ESRRB: variants seen among roughly 807,000 people sequenced by gnomAD.
The protein encoded by ESRRB is estrogen related receptor beta.
ESRRB carries 16 observed loss-of-function variants against 46.0 expected under a neutral mutation model. That is an observed-to-expected ratio of 0.35 (90% CI 0.24 to 0.53). The LOEUF is 0.53. ESRRB is among the 20% of genes least tolerant of loss of function. The pLI is 0.93. For missense variants in ESRRB, 488 were observed against 607.4 expected (o/e 0.80, Z 2.07); for synonymous variants, 246 against 259.6 (o/e 0.95, Z 0.50).
At chr14:76,319,613 C>T (rs1363998832) in intron 1 of ESRRB, among the ~76,000 whole-genome samples, 5 of 152,186 alleles carry the variant, frequency 3.3e-5, no homozygotes, top group African/African-American at 9.7e-5. Context: ...TTTAGAATCC[C>T]ATATGCTGTT....
chr14:76,406,954 C>T (rs1255390544), intron 1 of ESRRB, among the ~76,000 whole-genome samples: 1 of 152,228 alleles, frequency 6.6e-6, no homozygotes, highest in East Asian at 1.9e-4. Context: ...GTGTTGTATT[C>T]ACCAGTGTCT....
chr14:76,399,207 C>T (rs1016418835), intron 1 of ESRRB, among the ~76,000 whole-genome samples: 5 of 152,014 alleles, frequency 3.3e-5, no homozygotes, highest in African/African-American at 4.8e-5. Context: ...TTAACCAGCG[C>T]GTATATATCT....
At chr14:76,381,327 C>T (rs866204294) in intron 1 of ESRRB, among the ~76,000 whole-genome samples, 74 of 152,246 alleles carry the variant, frequency 4.9e-4, no homozygotes, top group African/African-American at 1.7e-3. Flanking sequence ...GATTAACCCT[C>T]ACCGGGCCAG....
At chr14:76,314,129 A>G (rs542062227) in intron 1 of ESRRB, among the ~76,000 whole-genome samples, 5 of 142,884 alleles carry the variant, frequency 3.5e-5, no homozygotes, top group African/African-American at 1.2e-4. Flanking sequence ...GGCTGTTGGG[A>G]AAAAAAAAAT....
intron 3 of ESRRB, among the ~76,000 whole-genome samples, chr14:76,466,219 G>A (rs1889104821): frequency 6.6e-6 from 1 of 152,272 alleles, no homozygotes; most frequent in Non-Finnish European, 1.5e-5. Flanking sequence ...GGCTGCAGAC[G>A]GAGAGATGTG....
chr14:76,341,220 C>T (rs1412988229), intron 1 of ESRRB, among the ~76,000 whole-genome samples: 1 of 152,254 alleles, frequency 6.6e-6, no homozygotes, highest in African/African-American at 2.4e-5. Context: ...GAAGCCTGCA[C>T]AGTCTTCGCT....
At chr14:76,388,924 C>A (rs968845653) in intron 1 of ESRRB, among the ~76,000 whole-genome samples, 8 of 152,212 alleles carry the variant, frequency 5.3e-5, no homozygotes, top group African/African-American at 1.9e-4. Context: ...CAGTGCCCTA[C>A]CTTGGTGCCC....
chr14:76,440,237 G>A (rs985258474), intron 2 of ESRRB, among the ~76,000 whole-genome samples: 9 of 152,120 alleles, frequency 5.9e-5, no homozygotes, highest in African/African-American at 1.9e-4. Flanking sequence ...GGAGGCCAAG[G>A]CCAGAGGATA....
At chr14:76,404,884 G>A (rs1356215885) in intron 1 of ESRRB, among the ~76,000 whole-genome samples, 1 of 152,108 alleles carries the variant, frequency 6.6e-6, no homozygotes, top group East Asian at 1.9e-4. Context: ...CCTTATAGAG[G>A]AGGGCTCAGT....
rs1887825356 is a variant in ESRRB at position 76,439,533 on chromosome 14, C to A, written c.243C>A (p.Pro81=). ...GTHANGLDSP[P]MFAGAGLGGT... ...ACGCCAACGGTCTGGACTCGCCACCCATGTTTGCAGGCGCCGGGCTGGGAG... is the reference window on the plus strand; with the variant it reads ...ACGCCAACGGTCTGGACTCGCCACCAATGTTTGCAGGCGCCGGGCTGGGAG... The change falls in exon 2 of 7, where the codon CCC becomes CCA. Residue 81 remains proline (P), a synonymous_variant. Transcript: ENST00000644823. 7 of 1,613,650 alleles carry A rather than the reference C, an allele frequency of 4.3e-6. No individual in the cohort carries two copies. The highest frequency in any genetic ancestry group is 5.1e-6 in the Non-Finnish European group (6 of 1,179,996).
chr14:76,351,622 G>C (rs937958297), intron 1 of ESRRB, among the ~76,000 whole-genome samples: 7 of 152,126 alleles, frequency 4.6e-5, no homozygotes, highest in Non-Finnish European at 1.0e-4. Flanking sequence ...TCTTTTCGAG[G>C]GATGCAATTC....
intron 1 of ESRRB, among the ~76,000 whole-genome samples, chr14:76,316,639 T>A (rs1211758009): frequency 6.6e-6 from 1 of 152,176 alleles, no homozygotes; most frequent in African/African-American, 2.4e-5. Context: ...GCTATGGATG[T>A]CCACCTGCTT....
At chr14:76,346,160 G>A (rs757206823) in intron 1 of ESRRB, among the ~76,000 whole-genome samples, 76 of 152,232 alleles carry the variant, frequency 5.0e-4, no homozygotes, top group Non-Finnish European at 9.1e-4. Context: ...AAATAAGCCC[G>A]CATTCACAGA....
At chr14:76,432,075 G>A (rs1056161906) in intron 1 of ESRRB, among the ~76,000 whole-genome samples, 7 of 152,046 alleles carry the variant, frequency 4.6e-5, no homozygotes, top group African/African-American at 1.2e-4. Context: ...TCCCAATCCC[G>A]TCCTTTCTGA....
intron 1 of ESRRB, among the ~76,000 whole-genome samples, chr14:76,329,648 A>G (rs115695307): frequency 0.025 from 3,754 of 151,730 alleles, 184 homozygotes; most frequent in African/African-American, 0.087. Flanking sequence ...TTCTCCTCTC[A>G]ACTCCCCCCA....
Position 76,332,739 on chromosome 14 carries a change from T to TA in ESRRB, c.2+21824dup. On this transcript the variant is annotated intron_variant, in intron 1 of 6. Transcript: ENST00000512784. Reference sequence around the variant, plus strand: ...ATATATTATATATATTTATATATTATATATTTATATATTATATATAAATAT... The same window carrying TA: ...ATATATTATATATATTTATATATTATAATATTTATATATTATATATAAATAT... Among the ~76,000 whole-genome samples, 2 of 21,670 alleles carry TA rather than the reference T, an allele frequency of 9.2e-5. 1 individual carries two copies. The highest frequency in any genetic ancestry group is 4.4e-4 in the African/African-American group (2 of 4,588). 14.2% of individuals were successfully genotyped at this position (21,670 alleles called of 152,430 possible).
At chr14:76,361,697 G>C (rs1048260206) in intron 1 of ESRRB, among the ~76,000 whole-genome samples, 12 of 152,196 alleles carry the variant, frequency 7.9e-5, no homozygotes, top group Non-Finnish European at 1.8e-4. Context: ...TCACAGTGAA[G>C]ACTCAAAACC....
intron 2 of ESRRB, among the ~76,000 whole-genome samples, chr14:76,445,750 TC>T (rs890017666): frequency 1.8e-4 from 27 of 150,406 alleles, no homozygotes; most frequent in Non-Finnish European, 3.4e-4. Flanking sequence ...AGTGGAGCGA[TC>T]CTGGCTCACT....
intron 1 of ESRRB, among the ~76,000 whole-genome samples, chr14:76,358,782 T>G (rs1011540676): frequency 6.6e-6 from 1 of 152,238 alleles, no homozygotes; most frequent in Non-Finnish European, 1.5e-5. Flanking sequence ...TTTTCTGAGA[T>G]TGTTTGAAGC....
Sources: allele counts gnomAD v4.1 joint callset (sites outside exome capture counted in the v4.1 genomes callset), GRCh38; gene constraint gnomAD v4.1.1; transcripts MANE v1.5; gene names NCBI Gene and HGNC (gene_info 2026-07-23, HGNC 2026-07-21).